Variants in CACNA2D3 observed in about 807,000 individuals in gnomAD.
CACNA2D3 encodes calcium voltage-gated channel auxiliary subunit alpha2delta 3, also known as voltage-dependent calcium channel subunit alpha-2/delta-3.
In CACNA2D3, 60 loss-of-function variants were observed where a neutral mutation model predicts 160.6. The ratio of observed to expected loss-of-function variants is 0.37; its 90% CI spans 0.30 to 0.46. The LOEUF (loss-of-function observed/expected upper bound fraction) is 0.46. CACNA2D3 is among the 20% of genes least tolerant of loss of function. The pLI, the probability that CACNA2D3 is intolerant of heterozygous loss-of-function variation, is 1.00. For synonymous variants in CACNA2D3, 558 were observed against 492.9 expected (o/e 1.13, Z -1.75); for missense variants, 1,205 against 1,365.0 (o/e 0.88, Z 1.85).
intron 27 of CACNA2D3, among the ~76,000 whole-genome samples, chr3:54,926,061 A>G (rs1701004828): frequency 6.6e-6 from 1 of 152,182 alleles, no homozygotes; most frequent in African/African-American, 2.4e-5. Flanking sequence ...GCAATGCATT[A>G]CTTATGCAGT....
intron 27 of CACNA2D3, among the ~76,000 whole-genome samples, chr3:54,917,214 G>C (rs548937677): frequency 6.6e-6 from 1 of 152,134 alleles, no homozygotes; most frequent in African/African-American, 2.4e-5. Context: ...TCCATGAAAG[G>C]TTCCTTTAAA....
intron 35 of CACNA2D3, among the ~76,000 whole-genome samples, chr3:55,054,439 C>T (rs984465235): frequency 1.3e-5 from 2 of 151,810 alleles, no homozygotes; most frequent in Non-Finnish European, 2.9e-5. Flanking sequence ...ATATATAACA[C>T]TCAGTGAATT....
At chr3:54,148,030 C>A (rs1301312393) in intron 2 of CACNA2D3, among the ~76,000 whole-genome samples, 2 of 152,220 alleles carry the variant, frequency 1.3e-5, no homozygotes, top group Admixed American at 1.3e-4. Context: ...TGGTTTTGAC[C>A]TTGTGATCCG....
intron 4 of CACNA2D3, among the ~76,000 whole-genome samples, chr3:54,394,043 T>C (rs1699329595): frequency 6.6e-6 from 1 of 152,140 alleles, no homozygotes; most frequent in South Asian, 2.1e-4. Context: ...GAGTTACCAC[T>C]ATGAGGTAGG....
chr3:54,773,697 A>T (rs758258707), intron 13 of CACNA2D3, among the ~76,000 whole-genome samples: 1 of 152,038 alleles, frequency 6.6e-6, no homozygotes, highest in Non-Finnish European at 1.5e-5. Flanking sequence ...TTTCCAGGAG[A>T]TGTTAAAAAT....
intron 16 of CACNA2D3, 151 bp from the exon 17 acceptor site, chr3:54,846,242 G>A: frequency 2.0e-6 from 1 of 504,312 alleles, no homozygotes; most frequent in East Asian, 3.1e-5. Context: ...AAGGATCAGT[G>A]CCTTGCATTC....
chr3:54,696,321 T>C (rs769095102), intron 11 of CACNA2D3, among the ~76,000 whole-genome samples: 4 of 152,314 alleles, frequency 2.6e-5, no homozygotes, highest in Non-Finnish European at 4.4e-5. Flanking sequence ...AGCAGTGATA[T>C]TCTGCATGGC....
intron 5 of CACNA2D3, among the ~76,000 whole-genome samples, chr3:54,559,213 C>T (rs1702286156): frequency 6.6e-6 from 1 of 152,186 alleles, no homozygotes; most frequent in Admixed American, 6.5e-5. Context: ...CTCAGTGACC[C>T]ACATTGCTTC....
At chr3:54,644,592 T>C (rs752677998) in intron 11 of CACNA2D3, among the ~76,000 whole-genome samples, 9 of 152,338 alleles carry the variant, frequency 5.9e-5, no homozygotes, top group East Asian at 1.9e-4. Flanking sequence ...CATGTTGTAA[T>C]TGACAATCTT....
chr3:54,605,783 T>C lies in CACNA2D3; in HGVS notation c.964-22004T>C, dbSNP rs188363454. 3.9e-5 allele frequency among the ~76,000 whole-genome samples: 6 copies of C among 152,298 alleles called. No homozygotes were observed. The East Asian group carries it at 1.2e-3, about 29-fold the overall frequency. ...CTGTGAATCCTAGTGCACGTCAGAA[T>C]TAGATAAGTGAGTTTGTACTAAATG... On this transcript the variant is annotated intron_variant, in intron 9 of 37. Coordinates refer to ENST00000474759, the MANE Select transcript of CACNA2D3 (RefSeq NM_018398.3).
chr3:55,067,349 G>A (rs986209615), intron 35 of CACNA2D3, among the ~76,000 whole-genome samples: 1 of 152,156 alleles, frequency 6.6e-6, no homozygotes, highest in African/African-American at 2.4e-5. Flanking sequence ...CCTGGGCTCC[G>A]GAGGGCTGCA....
intron 11 of CACNA2D3, among the ~76,000 whole-genome samples, chr3:54,698,700 A>T (rs182144669): frequency 3.3e-5 from 5 of 152,308 alleles, no homozygotes. Context: ...CATGATTAGA[A>T]CATTTGGAGA....
intron 11 of CACNA2D3, among the ~76,000 whole-genome samples, chr3:54,681,726 C>T (rs1700355573): frequency 6.6e-6 from 1 of 152,126 alleles, no homozygotes; most frequent in African/African-American, 2.4e-5. Context: ...CTTTGTCACC[C>T]AGGCTGGTGT....
intron 2 of CACNA2D3, among the ~76,000 whole-genome samples, chr3:54,143,359 A>G (rs1366714356): frequency 6.6e-6 from 1 of 152,210 alleles, no homozygotes; most frequent in Non-Finnish European, 1.5e-5. Context: ...AATAATAACT[A>G]TGATCAACTT....
chr3:54,601,535 G>A (rs184600507), intron 9 of CACNA2D3, among the ~76,000 whole-genome samples: 19 of 152,082 alleles, frequency 1.2e-4, no homozygotes, highest in Admixed American at 1.2e-3. Flanking sequence ...TGATTCCTGG[G>A]CCCACCCAAA....
intron 2 of CACNA2D3, among the ~76,000 whole-genome samples, chr3:54,253,730 A>C (rs1189879761): frequency 6.6e-6 from 1 of 151,938 alleles, no homozygotes; most frequent in Non-Finnish European, 1.5e-5. Context: ...AGGATAGTGA[A>C]ATTGGGATAA....
At chr3:54,442,048 A>G (rs980302691) in intron 4 of CACNA2D3, among the ~76,000 whole-genome samples, 1 of 152,184 alleles carries the variant, frequency 6.6e-6, no homozygotes, top group Non-Finnish European at 1.5e-5. Flanking sequence ...GGTTCAAGCA[A>G]TCCTCCTGCC....
At chr3:54,302,399 C>T (rs1394537045) in intron 2 of CACNA2D3, among the ~76,000 whole-genome samples, 13 of 152,104 alleles carry the variant, frequency 8.5e-5, no homozygotes, top group Admixed American at 8.5e-4. Flanking sequence ...TCTTACCATT[C>T]AGGTATTTGG....
At chr3:54,640,628 A>G (rs555331112) in intron 10 of CACNA2D3, among the ~76,000 whole-genome samples, 58 of 152,360 alleles carry the variant, frequency 3.8e-4, no homozygotes, top group African/African-American at 1.4e-3. Context: ...TTAGAACTTC[A>G]GCATGCCATA....
Sources: allele counts gnomAD v4.1 joint callset (sites outside exome capture counted in the v4.1 genomes callset), GRCh38; gene constraint gnomAD v4.1.1; transcripts MANE v1.5; gene names NCBI Gene and HGNC (gene_info 2026-07-23, HGNC 2026-07-21).